FILIP1L: variants seen among roughly 807,000 people sequenced by gnomAD.
The protein encoded by FILIP1L is filamin A-interacting protein 1-like.
A neutral mutation model predicts 96.6 loss-of-function variants in FILIP1L; 55 were observed. The ratio of observed to expected loss-of-function variants is 0.57; its 90% CI spans 0.46 to 0.71. FILIP1L has a LOEUF of 0.71. FILIP1L is among the 30% of genes least tolerant of loss of function. FILIP1L has a pLI of 0.00. For synonymous variants in FILIP1L, 467 were observed against 473.9 expected (o/e 0.99, Z 0.19); for missense variants, 1,304 against 1,321.2 (o/e 0.99, Z 0.20).
intron 1 of FILIP1L, among the ~76,000 whole-genome samples, chr3:100,047,974 T>C (rs2065304806): frequency 6.6e-6 from 1 of 152,186 alleles, no homozygotes; most frequent in African/African-American, 2.4e-5. Context: ...GTCCCTCCTA[T>C]AGTGTAAATA....
At chr3:99,904,022 C>T (rs562577300) in intron 4 of FILIP1L, among the ~76,000 whole-genome samples, 1 of 152,304 alleles carries the variant, frequency 6.6e-6, no homozygotes, top group African/African-American at 2.4e-5. Flanking sequence ...TTGAGATATG[C>T]ATCTTGTTTT....
chr3:99,956,502 A>C (rs1019345041), intron 1 of FILIP1L, among the ~76,000 whole-genome samples: 2 of 152,098 alleles, frequency 1.3e-5, no homozygotes, highest in Admixed American at 1.3e-4. Flanking sequence ...ACAGGCACCC[A>C]CTACCACACT....
At chr3:99,983,444 A>G (rs1194802745) in intron 1 of FILIP1L, among the ~76,000 whole-genome samples, 4 of 30,022 alleles carry the variant, frequency 1.3e-4, no homozygotes, top group African/African-American at 4.0e-4. Flanking sequence ...ATATATATGT[A>G]TGTATATATA....
chr3:99,842,141 T>C (rs2107507338), intron 5 of FILIP1L, among the ~76,000 whole-genome samples: 1 of 152,298 alleles, frequency 6.6e-6, no homozygotes, highest in African/African-American at 2.4e-5. Flanking sequence ...CACCATGGAA[T>C]ACTACTCGGC....
At chr3:100,107,879 A>AG (rs568290316) in intron 1 of FILIP1L, among the ~76,000 whole-genome samples, 1 of 91,756 alleles carries the variant, frequency 1.1e-5, no homozygotes, top group East Asian at 2.7e-4. Flanking sequence ...AAGAGAATTA[A>AG]AAAAAAAAAA....
chr3:100,053,173 G>C (rs1164816795), intron 1 of FILIP1L, among the ~76,000 whole-genome samples: 2 of 152,114 alleles, frequency 1.3e-5, no homozygotes, highest in Non-Finnish European at 2.9e-5. Flanking sequence ...ACCATAGCAA[G>C]CCTTCTGCCC....
Position 99,988,345 on chromosome 3 carries a change from A to C in FILIP1L, c.-10-57315T>G, listed in dbSNP as rs1383263438. 3.4e-3 allele frequency among the ~76,000 whole-genome samples: 502 copies of C among 148,094 alleles called. 13 individuals are homozygous for C. Among genetic ancestry groups the C allele is most frequent in the African/African-American group, 0.012 (491 of 40,300 alleles). On this transcript the variant is annotated intron_variant, in intron 1 of 5. Coordinates refer to ENST00000477258, the MANE Select transcript of FILIP1L (RefSeq NM_001387850.1). ...ACCCCACCTCTACTAAAAATCCAAA[A>C]AAAAAAAAAAAAAAAAAATTAGCCA...
intron 1 of FILIP1L, among the ~76,000 whole-genome samples, chr3:99,996,400 T>C (rs2107149283): frequency 6.6e-6 from 1 of 152,288 alleles, no homozygotes; most frequent in East Asian, 1.9e-4. Context: ...AGCAAGTCTC[T>C]AGGAAGTTCC....
chr3:100,062,610 T>C (rs1210484614), intron 1 of FILIP1L, among the ~76,000 whole-genome samples: 5 of 152,222 alleles, frequency 3.3e-5, no homozygotes, highest in Admixed American at 3.3e-4. Context: ...CAATTAGAGC[T>C]ACATCACCTC....
chr3:100,093,228 A>G (rs534285028), intron 1 of FILIP1L, among the ~76,000 whole-genome samples: 166 of 152,244 alleles, frequency 1.1e-3, no homozygotes, highest in South Asian at 1.0e-3. Flanking sequence ...TGAGCAGCTT[A>G]TGTCATTAGA....
chr3:99,871,957 G>C (rs1228776047), intron 4 of FILIP1L, among the ~76,000 whole-genome samples: 4 of 151,424 alleles, frequency 2.6e-5, no homozygotes, highest in Non-Finnish European at 5.9e-5. Context: ...CTTTTTTATT[G>C]CTTATACTTA....
At chr3:99,904,357 A>G (rs1490943464) in intron 4 of FILIP1L, among the ~76,000 whole-genome samples, 1 of 152,126 alleles carries the variant, frequency 6.6e-6, no homozygotes, top group Non-Finnish European at 1.5e-5. Flanking sequence ...ATTTGTAACC[A>G]TTTTCAGTAG....
At chr3:100,056,692 C>A (rs1445346032) in intron 1 of FILIP1L, among the ~76,000 whole-genome samples, 1 of 150,108 alleles carries the variant, frequency 6.7e-6, no homozygotes, top group Admixed American at 6.7e-5. Context: ...GGTAGCAGCT[C>A]TAGACCATTA....
chr3:99,955,166 T>C (rs1355165354), intron 1 of FILIP1L, among the ~76,000 whole-genome samples: 1 of 152,172 alleles, frequency 6.6e-6, no homozygotes, highest in Non-Finnish European at 1.5e-5. Context: ...ATTCTAGCAA[T>C]GGGGTGCTGT....
At chr3:99,922,321 A>G (rs1229313226) in intron 4 of FILIP1L, among the ~76,000 whole-genome samples, 1 of 152,212 alleles carries the variant, frequency 6.6e-6, no homozygotes, top group East Asian at 1.9e-4. Flanking sequence ...CAAATCTTAT[A>G]TTGTAATGTC....
intron 4 of FILIP1L, among the ~76,000 whole-genome samples, chr3:99,915,323 A>G (rs139207728): frequency 9.3e-4 from 141 of 152,192 alleles, no homozygotes; most frequent in African/African-American, 3.1e-3. Context: ...CCTCTCCCAT[A>G]CTCTTGGTCC....
Position 99,850,899 on chromosome 3 carries a change from T to C in FILIP1L, c.777A>G (p.Lys259=). Residue 259 remains lysine (K), a synonymous_variant, in exon 5 of 6, where the codon AAA becomes AAG. Coordinates refer to ENST00000477258, the MANE Select transcript of FILIP1L (RefSeq NM_001387850.1). ...TTGCATTTGTGGTCAGCTCTTGGAT[T>C]TTCTGTCTTTGAAGGGTGAGCTGTG... The part of the protein sequence containing the change: ...LTAQLTLQRQ[K]IQELTTNAKE... 1 of 1,614,194 alleles carries C rather than the reference T, an allele frequency of 6.2e-7. No individual in the cohort carries two copies. The highest frequency in any genetic ancestry group is 8.5e-7 in the Non-Finnish European group (1 of 1,180,028).
chr3:100,008,848 C>G (rs1354428201), intron 1 of FILIP1L, among the ~76,000 whole-genome samples: 7 of 152,166 alleles, frequency 4.6e-5, no homozygotes, highest in Admixed American at 3.3e-4. Context: ...TGACTAGATG[C>G]AGCAAAGTGA....
At chr3:99,932,356 T>G (rs1450199541) in intron 1 of FILIP1L, among the ~76,000 whole-genome samples, 2 of 152,232 alleles carry the variant, frequency 1.3e-5, no homozygotes, top group Non-Finnish European at 2.9e-5. Flanking sequence ...AACTTGCTTT[T>G]TCATCCTAGA....
Sources: gnomAD v4.1 joint callset for allele counts (sites outside exome capture counted in the v4.1 genomes callset) on GRCh38, gnomAD v4.1.1 for gene constraint, MANE v1.5 for transcripts, NCBI Gene and HGNC (gene_info 2026-07-23, HGNC 2026-07-21) for gene names.